Variants in EDIL3 observed in about 807,000 individuals in gnomAD.
EDIL3 encodes EGF-like repeat and discoidin I-like domain-containing protein 3.
Under a neutral mutation model 67.4 loss-of-function variants are expected in EDIL3, and 37 were observed. The observed-to-expected ratio is 0.55, with a 90% CI of 0.42 to 0.72. The LOEUF is 0.72. EDIL3 is among the 30% of genes least tolerant of loss of function. EDIL3 has a pLI of 0.00. For missense variants in EDIL3, 527 were observed against 586.3 expected (o/e 0.90, Z 1.04); for synonymous variants, 195 against 196.3 (o/e 0.99, Z 0.05).
chr5:84,098,593 T>C (rs1430790125), intron 6 of EDIL3, among the ~76,000 whole-genome samples: 1 of 152,062 alleles, frequency 6.6e-6, no homozygotes, highest in Non-Finnish European at 1.5e-5. Context: ...TGAATAACAA[T>C]GTTGAGACTA....
chr5:84,329,499 G>A (rs1746829354), intron 1 of EDIL3, among the ~76,000 whole-genome samples: 1 of 152,038 alleles, frequency 6.6e-6, no homozygotes, highest in Non-Finnish European at 1.5e-5. Flanking sequence ...TAGCTCATTT[G>A]ACTACATCAT....
At chr5:84,100,534 T>G (rs1747343879) in intron 6 of EDIL3, among the ~76,000 whole-genome samples, 1 of 151,822 alleles carries the variant, frequency 6.6e-6, no homozygotes, top group Non-Finnish European at 1.5e-5. Flanking sequence ...TGAGACCACA[T>G]GGAAACAGAC....
At chr5:84,108,225 T>G (rs1026971835) in intron 5 of EDIL3, among the ~76,000 whole-genome samples, 1 of 151,968 alleles carries the variant, frequency 6.6e-6, no homozygotes, top group African/African-American at 2.4e-5. Flanking sequence ...TTAACCATAT[T>G]TTTAATTGTC....
chr5:84,275,224 C>T lies in EDIL3; in HGVS notation c.68-21012G>A, dbSNP rs13157344. On this transcript the variant is annotated intron_variant, in intron 1 of 10. Coordinates refer to ENST00000296591, the MANE Select transcript of EDIL3 (RefSeq NM_005711.5). Reference sequence around the variant, plus strand: ...CGTGGAAAAAACTGTGGCTCTAGTGCTAAGGCAAGACTAGAAACCAGTTTC... The same window carrying T: ...CGTGGAAAAAACTGTGGCTCTAGTGTTAAGGCAAGACTAGAAACCAGTTTC... Among the ~76,000 whole-genome samples, 359 of 152,286 alleles carry T rather than the reference C, an allele frequency of 2.4e-3. 1 individual carries two copies. Among genetic ancestry groups the T allele is most frequent in the Non-Finnish European group, 2.7e-3 (186 of 68,026 alleles).
Position 84,365,506 on chromosome 5 carries a change from A to G in EDIL3, c.67+18802T>C, listed in dbSNP as rs73146530. Reference sequence around the variant, plus strand: ...TAAATCAAGACACAACTTATAGTCTATCTTCAGAATGGAAAGTAAGCACAT... The same window carrying G: ...TAAATCAAGACACAACTTATAGTCTGTCTTCAGAATGGAAAGTAAGCACAT... On this transcript the variant is annotated intron_variant, in intron 1 of 10. Coordinates refer to ENST00000296591, the MANE Select transcript of EDIL3 (RefSeq NM_005711.5). Among the ~76,000 whole-genome samples the G allele has an allele frequency of 2.4e-3, 366 of 152,318 alleles. 1 individual carries two copies. The highest frequency in any genetic ancestry group is 8.6e-3 in the African/African-American group (357 of 41,584).
At chr5:84,254,847 A>AC (rs958605591) in intron 1 of EDIL3, among the ~76,000 whole-genome samples, 30 of 152,304 alleles carry the variant, frequency 2.0e-4, no homozygotes, top group African/African-American at 6.3e-4. Context: ...CATAACAGAA[A>AC]CCCCACAATA....
At chr5:84,267,696 C>T (rs764815187) in intron 1 of EDIL3, among the ~76,000 whole-genome samples, 19 of 152,068 alleles carry the variant, frequency 1.2e-4, no homozygotes, top group Non-Finnish European at 2.5e-4. Context: ...TTCATACATA[C>T]ATTTGAATGT....
At chr5:84,359,822 G>T (rs1241520293) in intron 1 of EDIL3, among the ~76,000 whole-genome samples, 1 of 152,142 alleles carries the variant, frequency 6.6e-6, no homozygotes, top group Admixed American at 6.6e-5. Context: ...TGGGGCAGGT[G>T]TAGCCAACTG....
intron 5 of EDIL3, among the ~76,000 whole-genome samples, chr5:84,118,939 G>T (rs1221880913): frequency 6.6e-6 from 1 of 152,066 alleles, no homozygotes; most frequent in Non-Finnish European, 1.5e-5. Context: ...TGGGAACTGT[G>T]CTGGTTAATA....
At chr5:83,946,877 CTTCTT>C (rs1744320111) in intron 10 of EDIL3, among the ~76,000 whole-genome samples, 1 of 151,846 alleles carries the variant, frequency 6.6e-6, no homozygotes. Context: ...TAAAAATGTG[CTTCTT>C]TTCATTTGTC....
chr5:84,376,016 T>G (rs1747958444), intron 1 of EDIL3, among the ~76,000 whole-genome samples: 1 of 152,140 alleles, frequency 6.6e-6, no homozygotes, highest in African/African-American at 2.4e-5. Context: ...TAACAAAATA[T>G]CTCCATGATA....
intron 5 of EDIL3, among the ~76,000 whole-genome samples, chr5:84,130,227 T>C (rs1747938000): frequency 6.6e-6 from 1 of 152,206 alleles, no homozygotes; most frequent in South Asian, 2.1e-4. Flanking sequence ...CCATATCTTA[T>C]CATTAAATAA....
At chr5:84,353,006 T>C (rs1262385134) in intron 1 of EDIL3, among the ~76,000 whole-genome samples, 1 of 152,140 alleles carries the variant, frequency 6.6e-6, no homozygotes, top group African/African-American at 2.4e-5. Flanking sequence ...AGTAGGGTAC[T>C]TCTTAGAGGC....
intron 9 of EDIL3, among the ~76,000 whole-genome samples, chr5:84,017,805 T>C (rs1423357493): frequency 6.6e-6 from 1 of 152,176 alleles, no homozygotes; most frequent in Non-Finnish European, 1.5e-5. Flanking sequence ...TGATCATAAA[T>C]TGTGTCACTT....
At chr5:84,104,390 T>G (rs1561432674) in intron 6 of EDIL3, among the ~76,000 whole-genome samples, 1 of 149,196 alleles carries the variant, frequency 6.7e-6, no homozygotes, top group Non-Finnish European at 1.5e-5. Flanking sequence ...AAATAAAAGT[T>G]TCAAAAAAAA....
At chr5:84,160,730 TTTTTCTTTTC>T (rs1318124375) in intron 4 of EDIL3, among the ~76,000 whole-genome samples, 15 of 131,574 alleles carry the variant, frequency 1.1e-4, no homozygotes, top group African/African-American at 4.0e-4. Context: ...TTTCTTCTTT[TTTTTCTTTTC>T]TTTTCTTTCC....
At chr5:84,265,910 C>T (rs1371095799) in intron 1 of EDIL3, among the ~76,000 whole-genome samples, 1 of 152,150 alleles carries the variant, frequency 6.6e-6, no homozygotes. Context: ...TCTTGGTTTC[C>T]AACAGGTGTC....
At chr5:84,050,296 T>C (rs1746309208) in intron 9 of EDIL3, among the ~76,000 whole-genome samples, 1 of 148,238 alleles carries the variant, frequency 6.7e-6, no homozygotes, top group Non-Finnish European at 1.5e-5. Context: ...AACATTAGAG[T>C]AATAAAAACA....
intron 2 of EDIL3, among the ~76,000 whole-genome samples, chr5:84,246,252 A>T (rs937050379): frequency 3.3e-5 from 5 of 152,240 alleles, no homozygotes; most frequent in African/African-American, 9.6e-5. Flanking sequence ...GTTGTTAGCT[A>T]CTGTGAGGCA....
Sources: allele counts gnomAD v4.1 joint callset (sites outside exome capture counted in the v4.1 genomes callset), GRCh38; gene constraint gnomAD v4.1.1; transcripts MANE v1.5; gene names NCBI Gene and HGNC (gene_info 2026-07-23, HGNC 2026-07-21).